The following LRRTM4 variants were observed in gnomAD, a reference collection of about 807,000 sequenced individuals.
LRRTM4 encodes the protein leucine rich repeat transmembrane neuronal 4.
A neutral mutation model predicts 47.6 loss-of-function variants in LRRTM4; 25 were observed. That is an observed-to-expected ratio of 0.53 (90% confidence interval 0.38 to 0.73). The LOEUF (loss-of-function observed/expected upper bound fraction) is 0.73, where lower values mean the gene tolerates loss of function less well. Ranked by LOEUF, LRRTM4 falls within the 30% of genes least tolerant of loss-of-function variation. The pLI is 0.00. For synonymous variants in LRRTM4, 311 were observed against 269.5 expected, an observed-to-expected ratio of 1.15 and a Z score of -1.51; for missense variants, 638 against 713.4, an observed-to-expected ratio of 0.89 and a Z score of 1.20.
chr2:77,262,065 C>A (rs1675932084), intron 3 of LRRTM4, among the ~76,000 whole-genome samples: 3 of 152,054 alleles, frequency 2.0e-5, no homozygotes. Flanking sequence ...ACTGAGCATG[C>A]AAAGGATCTA....
chr2:76,933,910 C>T (rs1472619610), intron 3 of LRRTM4, among the ~76,000 whole-genome samples: 4 of 152,094 alleles, frequency 2.6e-5, no homozygotes, highest in Non-Finnish European at 4.4e-5. Flanking sequence ...TTTCCTTCCC[C>T]ATTTTACTTC....
At chr2:77,181,691 T>C (rs1673350274) in intron 3 of LRRTM4, among the ~76,000 whole-genome samples, 1 of 152,076 alleles carries the variant, frequency 6.6e-6, no homozygotes, top group South Asian at 2.1e-4. Context: ...TATTATTAAG[T>C]AGGAAGCAGT....
chr2:76,965,869 T>C (rs1304328658), intron 3 of LRRTM4, among the ~76,000 whole-genome samples: 1 of 151,486 alleles, frequency 6.6e-6, no homozygotes, highest in Admixed American at 6.6e-5. Context: ...ATCATCCCTA[T>C]AGGTATATCA....
intron 3 of LRRTM4, among the ~76,000 whole-genome samples, chr2:77,178,610 C>A (rs1433748519): frequency 6.6e-6 from 1 of 151,976 alleles, no homozygotes; most frequent in Non-Finnish European, 1.5e-5. Flanking sequence ...ACAACAACAA[C>A]AACAACAAAT....
chr2:77,381,515 A>G (rs1673049924), intron 3 of LRRTM4, among the ~76,000 whole-genome samples: 2 of 152,100 alleles, frequency 1.3e-5, no homozygotes, highest in African/African-American at 4.8e-5. Flanking sequence ...GAATTGGTCA[A>G]TAACTATAGA....
intron 3 of LRRTM4, among the ~76,000 whole-genome samples, chr2:77,136,092 T>G (rs1051005146): frequency 6.6e-6 from 1 of 151,928 alleles, no homozygotes; most frequent in African/African-American, 2.4e-5. Flanking sequence ...AGAAGATGGG[T>G]GATTTCTGCA....
At chr2:77,271,297 G>A (rs1573175517) in intron 3 of LRRTM4, among the ~76,000 whole-genome samples, 1 of 152,160 alleles carries the variant, frequency 6.6e-6, no homozygotes, top group Non-Finnish European at 1.5e-5. Flanking sequence ...GAGGCTAGGG[G>A]CCAACTAAGC....
chr2:76,974,179 TATAC>T (rs1156675341), intron 3 of LRRTM4, among the ~76,000 whole-genome samples: 2 of 119,024 alleles, frequency 1.7e-5, no homozygotes, highest in Non-Finnish European at 3.3e-5. Context: ...CATACATATA[TATAC>T]ATACATATAT....
At position 77,005,192 on chromosome 2, in the gene LRRTM4, T is replaced by G. The variant is rs556716746; in HGVS notation, c.1552-256276A>C. On this transcript the variant is annotated intron_variant, in intron 3 of 3. Transcript: ENST00000409884. ...CAGAGTCTCACTCTGTCACTCAGGC[T>G]GGAGTACAGTGGCATGATCTCAGCT... Among the ~76,000 whole-genome samples, 10 of 152,304 alleles carry G rather than the reference T, an allele frequency of 6.6e-5. No individual in the cohort carries two copies. The Middle Eastern group carries it at 0.01, about 155-fold the overall frequency.
At chr2:77,142,063 A>T (rs533847048) in intron 3 of LRRTM4, among the ~76,000 whole-genome samples, 1 of 152,342 alleles carries the variant, frequency 6.6e-6, no homozygotes, top group African/African-American at 2.4e-5. Flanking sequence ...GCTTGTCAGT[A>T]TAGACAGAGC....
At chr2:77,155,237 C>T (rs1238585807) in intron 3 of LRRTM4, among the ~76,000 whole-genome samples, 1 of 151,640 alleles carries the variant, frequency 6.6e-6, no homozygotes, top group Non-Finnish European at 1.5e-5. Context: ...ATGATATTCA[C>T]AGATAATTGT....
intron 3 of LRRTM4, among the ~76,000 whole-genome samples, chr2:76,764,683 G>A (rs954133233): frequency 6.6e-6 from 1 of 152,128 alleles, no homozygotes; most frequent in Admixed American, 6.6e-5. Context: ...AACACTGCCA[G>A]TTTGAACTAA....
intron 3 of LRRTM4, among the ~76,000 whole-genome samples, chr2:76,906,713 C>T (rs1358290178): frequency 4.0e-5 from 6 of 151,530 alleles, no homozygotes; most frequent in African/African-American, 1.5e-4. Context: ...TCTGATAAAA[C>T]AGACTTTAAA....
intron 3 of LRRTM4, among the ~76,000 whole-genome samples, chr2:76,821,035 G>A (rs1325960428): frequency 6.6e-6 from 1 of 151,658 alleles, no homozygotes; most frequent in African/African-American, 2.4e-5. Context: ...TACTGTGCAA[G>A]GGTCTATATT....
chr2:76,807,457 T>TATATATATATATATATAC (rs1553412656), intron 3 of LRRTM4, among the ~76,000 whole-genome samples: 1 of 94,212 alleles, frequency 1.1e-5, no homozygotes, highest in Admixed American at 1.3e-4. Context: ...TATATATATA[T>TATATATATATATATATAC]ACATATATAT....
chr2:77,433,978 T>G (rs768043736), intron 3 of LRRTM4, among the ~76,000 whole-genome samples: 2 of 152,188 alleles, frequency 1.3e-5, no homozygotes, highest in Non-Finnish European at 2.9e-5. Context: ...GTTATGGGAT[T>G]TGAGAGCAGA....
At chr2:77,034,402 C>T (rs1031235767) in intron 3 of LRRTM4, among the ~76,000 whole-genome samples, 1 of 151,844 alleles carries the variant, frequency 6.6e-6, no homozygotes, top group Non-Finnish European at 1.5e-5. Context: ...CTACGTTTTT[C>T]TAGTTTTAAT....
intron 3 of LRRTM4, among the ~76,000 whole-genome samples, chr2:76,822,386 G>A (rs1261250849): frequency 2.0e-5 from 3 of 151,278 alleles, no homozygotes; most frequent in Non-Finnish European, 4.4e-5. Flanking sequence ...ATCCAACTAA[G>A]AATGTATTAG....
chr2:76,798,516 C>T (rs1164500931), intron 3 of LRRTM4, among the ~76,000 whole-genome samples: 12 of 147,294 alleles, frequency 8.1e-5, no homozygotes, highest in African/African-American at 2.5e-4. Flanking sequence ...CCAAAATTGA[C>T]ACCCTAACAT....
Sources: allele counts gnomAD v4.1 joint callset (sites outside exome capture counted in the v4.1 genomes callset), GRCh38; gene constraint gnomAD v4.1.1; transcripts MANE v1.5; gene names NCBI Gene and HGNC (gene_info 2026-07-23, HGNC 2026-07-21).